APOL6: variants seen among roughly 807,000 people sequenced by gnomAD.
APOL6 encodes apolipoprotein L6.
A neutral mutation model predicts 2.4 loss-of-function variants in APOL6; 1 was observed. That is an observed-to-expected ratio of 0.41 (90% CI 0.15 to 1.94). The LOEUF (loss-of-function observed/expected upper bound fraction) is 1.94, where lower values mean the gene tolerates loss of function less well. Ranked by LOEUF, APOL6 falls within the 30% of genes most tolerant of loss-of-function variation. APOL6 has a pLI of 0.30. For synonymous variants in APOL6, 189 were observed against 169.3 expected, an observed-to-expected ratio of 1.12 and a Z score of -0.90; for missense variants, 438 against 429.2, an observed-to-expected ratio of 1.02 and a Z score of -0.18.
rs773507616 is a variant in APOL6 at position 35,659,172 on chromosome 22, G to A, written c.608G>A (p.Arg203His). The change falls in exon 3 of 3, where the codon CGT (arginine) becomes CAT (histidine). Residue 203 changes from arginine (R) to histidine (H), a missense_variant. Coordinates refer to ENST00000409652, the MANE Select transcript of APOL6 (RefSeq NM_030641.4). ...ANPRLANATK[R>H]LLTTGQVSSR... ...CCACGCTTGGCCAATGCTACCAAGC[G>A]TCTTCTGACCACTGGCCAAGTCTCC... 5.2e-5 allele frequency: 84 copies of A among 1,614,094 alleles called. No individual in the cohort carries two copies. Among genetic ancestry groups the A allele is most frequent in the African/African-American group, 1.1e-4 (8 of 74,936 alleles).
At chr22:35,656,189 A>T (rs1408211344) in intron 1 of APOL6, among the ~76,000 whole-genome samples, 190 bp from the exon 2 acceptor site, 1 of 152,210 alleles carries the variant, frequency 6.6e-6, no homozygotes, top group African/African-American at 2.4e-5. Flanking sequence ...TGAACTGACT[A>T]TTTCACTGTA....
intron 1 of APOL6, among the ~76,000 whole-genome samples, chr22:35,653,567 G>A (rs1569133709): frequency 6.6e-6 from 1 of 152,136 alleles, no homozygotes; most frequent in African/African-American, 2.4e-5. Context: ...TTTGAGATAC[G>A]TGGCAAGGAC....
intron 1 of APOL6, among the ~76,000 whole-genome samples, chr22:35,651,123 G>C (rs1037275649): frequency 6.6e-6 from 1 of 152,108 alleles, no homozygotes; most frequent in Non-Finnish European, 1.5e-5. Flanking sequence ...CAAATGTAGA[G>C]AAGAGATGCA....
chr22:35,662,161 C>T lies in APOL6; in HGVS notation c.*2565C>T, dbSNP rs1569136227. 2 of 152,124 alleles carry T rather than the reference C, an allele frequency of 1.3e-5. No individual in the cohort carries two copies. Among genetic ancestry groups the T allele is most frequent in the African/African-American group, 4.8e-5 (2 of 41,412 alleles). 9.4% of individuals were successfully genotyped at this position (152,124 alleles called of 1,614,324 possible). A position where few individuals can be genotyped will look rare whatever the true frequency, so the allele number is the denominator to read the frequency against. ...ACTTCAAAGAAAATCCCTCCCTGTG[C>T]TTTGGAAGGGAAGGGAGGTGGGCAG... On this transcript the variant is annotated 3_prime_UTR_variant, in exon 3 of 3. Coordinates refer to ENST00000409652, the MANE Select transcript of APOL6 (RefSeq NM_030641.4).
At position 35,662,913 on chromosome 22, in the gene APOL6, G is replaced by A. The variant is rs1010910557; in HGVS notation, c.*3317G>A. 6 of 152,204 alleles carry A rather than the reference G, an allele frequency of 3.9e-5. No homozygotes were observed. Among genetic ancestry groups the A allele is most frequent in the African/African-American group, 1.4e-4 (6 of 41,446 alleles). 9.4% of individuals were successfully genotyped at this position (152,204 alleles called of 1,614,324 possible). On this transcript the variant is annotated 3_prime_UTR_variant, in exon 3 of 3. Coordinates refer to ENST00000409652, the MANE Select transcript of APOL6 (RefSeq NM_030641.4). ...CCCTGATCTCTTAAAATTTGGTAGA[G>A]ATCGGAAGTTTATTTTGCTGTACAA...
At chr22:35,655,313 A>G (rs1451036432) in intron 1 of APOL6, among the ~76,000 whole-genome samples, 1 of 152,152 alleles carries the variant, frequency 6.6e-6, no homozygotes, top group African/African-American at 2.4e-5. Context: ...TTCCTCTCTT[A>G]TAATATCCAT....
chr22:35,650,414 G>A (rs748141590), intron 1 of APOL6, among the ~76,000 whole-genome samples: 5 of 152,136 alleles, frequency 3.3e-5, no homozygotes, highest in East Asian at 1.9e-4. Context: ...TGATACATTC[G>A]TAAAATGAAA....
At position 35,659,699 on chromosome 22, in the gene APOL6, T is replaced by C; in HGVS notation, c.*103T>C. The C allele has an allele frequency of 7.0e-7, 1 of 1,437,058 alleles. No homozygotes were observed. Among genetic ancestry groups the C allele is most frequent in the Non-Finnish European group, 9.2e-7 (1 of 1,088,524 alleles). 89.0% of individuals were successfully genotyped at this position (1,437,058 alleles called of 1,614,324 possible). A position where few individuals can be genotyped will look rare whatever the true frequency, so the allele number is the denominator to read the frequency against. On this transcript the variant is annotated 3_prime_UTR_variant, in exon 3 of 3. Transcript: ENST00000409652. ...GTCCTGGACAGACCTCGGCATGCCT[T>C]CTGTTTCTCCTTCAATGCTCCTTAA... is the stretch of plus-strand genomic sequence containing the variant.
In APOL6 at chr22:35,658,882, C is replaced by G. The variant is rs1355130489; in HGVS notation, c.318C>G (p.Ser106Arg). Residue 106 changes from serine (S) to arginine (R), a missense_variant, in exon 3 of 3, where the codon AGC (serine) becomes AGG (arginine). Coordinates refer to ENST00000409652, the MANE Select transcript of APOL6 (RefSeq NM_030641.4). ...TTGCCCCAGCAACAGGAGGAGGAAG[C>G]CTGCTGCTCTCCACCGCTGGTCAAG... ...LALAPATGGGSLLLSTAGQGL... is the reference protein window; with the variant it reads ...LALAPATGGGRLLLSTAGQGL... 4.3e-6 allele frequency: 7 copies of G among 1,613,970 alleles called. No homozygotes were observed. The highest frequency in any genetic ancestry group is 5.9e-6 in the Non-Finnish European group (7 of 1,180,026).
rs1301899918 is a variant in APOL6, at chr22:35,667,350, G to A, written c.*7754G>A. On this transcript the variant is annotated 3_prime_UTR_variant, in exon 3 of 3. Coordinates refer to ENST00000409652, the MANE Select transcript of APOL6 (RefSeq NM_030641.4). ...TGGAACAAAGTTAATTGGTTCCAGA[G>A]ATTCAAAGCCAGAGTTGCTGTCAGT... 6.6e-6 allele frequency: 1 copy of A among 152,208 alleles called. No homozygotes were observed. The highest frequency in any genetic ancestry group is 1.5e-5 in the Non-Finnish European group (1 of 68,040). The allele number at this position is 152,208 out of a possible 1,614,324, so 9.4% of individuals were successfully genotyped here. A position where few individuals can be genotyped will look rare whatever the true frequency, so the allele number is the denominator to read the frequency against.
At chr22:35,656,232 T>C (rs771824345) in intron 1 of APOL6, 147 bp from the exon 2 acceptor site, 29 of 629,166 alleles carry the variant, frequency 4.6e-5, no homozygotes, top group Non-Finnish European at 7.4e-5. Flanking sequence ...CACCTCAACA[T>C]ACAATTTTCA....
chr22:35,657,858 C>G (rs1924887115), intron 2 of APOL6, among the ~76,000 whole-genome samples: 1 of 152,224 alleles, frequency 6.6e-6, no homozygotes, highest in Non-Finnish European at 1.5e-5. Context: ...CCTTGAAGGT[C>G]AAAGCCAACT....
At position 35,658,635 on chromosome 22, in the gene APOL6, T is replaced by TG. The variant is rs1924911725; in HGVS notation, c.72dup (p.Cys25ValfsTer2). 5 of 1,612,210 alleles carry TG rather than the reference T, an allele frequency of 3.1e-6. No homozygotes were observed. The highest frequency in any genetic ancestry group is 4.2e-6 in the Non-Finnish European group (5 of 1,178,916). ...CTCAGGGATGAGGATGACGCTCCTC[T>TG]GTGTGAAGACGTGGAGCTACAAGAC... On this transcript the variant is annotated frameshift_variant, in exon 3 of 3. Coordinates refer to ENST00000409652, the MANE Select transcript of APOL6 (RefSeq NM_030641.4). LOFTEE classifies it low-confidence loss of function (END_TRUNC).
At chr22:35,656,273 T>C in intron 1 of APOL6, 106 bp from the exon 2 acceptor site, 1 of 823,432 alleles carries the variant, frequency 1.2e-6, no homozygotes. Flanking sequence ...TAGTATGCTA[T>C]GTGGTTGTTA....
At chr22:35,654,497 C>T (rs1452743903) in intron 1 of APOL6, among the ~76,000 whole-genome samples, 1 of 150,628 alleles carries the variant, frequency 6.6e-6, no homozygotes, top group African/African-American at 2.4e-5. Context: ...TTTTAAGAGC[C>T]CTGTGCCAGA....
In APOL6 at chr22:35,659,012, G is replaced by C; in HGVS notation, c.448G>C (p.Asp150His). ...GGCGGAAGACATACTGCCCACCTAC[G>C]ACCAAGAGGACAGGGAGGATGAGGA... ...ARAEDILPTY[D>H]QEDREDEEEK... Residue 150 changes from aspartate (D) to histidine (H), a missense_variant, in exon 3 of 3, where the codon GAC (aspartate) becomes CAC (histidine). Transcript: ENST00000409652. 6.2e-7 allele frequency: 1 copy of C among 1,613,838 alleles called. No homozygotes were observed. The highest frequency in any genetic ancestry group is 8.5e-7 in the Non-Finnish European group (1 of 1,180,024).
intron 1 of APOL6, among the ~76,000 whole-genome samples, chr22:35,654,199 A>G (rs757015710): frequency 1.2e-4 from 19 of 152,210 alleles, no homozygotes; most frequent in African/African-American, 2.4e-4. Flanking sequence ...TTGGGTTTCT[A>G]TGGAGGCTTC....
rs1239558363 is a variant in APOL6 at position 35,661,467 on chromosome 22, A to T, written c.*1871A>T. 2 of 152,010 alleles carry T rather than the reference A, an allele frequency of 1.3e-5. No individual in the cohort carries two copies. Among genetic ancestry groups the T allele is most frequent in the African/African-American group, 4.8e-5 (2 of 41,350 alleles). 9.4% of individuals were successfully genotyped at this position (152,010 alleles called of 1,614,324 possible). A position where few individuals can be genotyped will look rare whatever the true frequency, so the allele number is the denominator to read the frequency against. ...TAGGCAATTGCATTGTAGTGTGATT[A>T]TCACAGATTGTACTTATACAAAACT... On this transcript the variant is annotated 3_prime_UTR_variant, in exon 3 of 3. Coordinates refer to ENST00000409652, the MANE Select transcript of APOL6 (RefSeq NM_030641.4).
At position 35,659,757 on chromosome 22, in the gene APOL6, T is replaced by TTGTC. The variant is rs202036150; in HGVS notation, c.*164_*165insCTGT. The TTGTC allele has an allele frequency of 9.0e-5, 80 of 885,234 alleles. No homozygotes were observed. In the East Asian group the frequency reaches 1.9e-3, roughly 21 times the overall value. The allele number at this position is 885,234 out of a possible 1,614,324, so 54.8% of individuals were successfully genotyped here. A position where few individuals can be genotyped will look rare whatever the true frequency, so the allele number is the denominator to read the frequency against. On this transcript the variant is annotated 3_prime_UTR_variant, in exon 3 of 3. Transcript: ENST00000409652. ...GTGCTGGGAAAAGGGTCTTCCCTGT[T>TTGTC]TGTTTGTTTGTTTGTTTGTTTGTTT... is the stretch of plus-strand genomic sequence containing the variant.
Sources: gnomAD v4.1 joint callset for allele counts (sites outside exome capture counted in the v4.1 genomes callset) on GRCh38, gnomAD v4.1.1 for gene constraint, MANE v1.5 for transcripts, NCBI Gene and HGNC (gene_info 2026-07-23, HGNC 2026-07-21) for gene names.